Variants in CALML4 observed in about 807,000 individuals in gnomAD.
CALML4 encodes calmodulin like 4.
CALML4 carries 16 observed loss-of-function variants against 17.9 expected under a neutral mutation model. The ratio of observed to expected loss-of-function variants is 0.89; its 90% CI spans 0.61 to 1.36. CALML4 has a LOEUF of 1.36. Ranked by LOEUF, CALML4 falls within the 40% of genes most tolerant of loss-of-function variation. CALML4 has a pLI of 0.00. For missense variants in CALML4, 203 were observed against 194.8 expected (o/e 1.04, Z -0.25); for synonymous variants, 86 against 71.5 (o/e 1.20, Z -1.02).
In CALML4 at chr15:68,191,615, G is replaced by A. The variant is rs1465943863; in HGVS notation, c.*2400C>T. 1 of 152,648 alleles carries A rather than the reference G, an allele frequency of 6.6e-6. No individual in the cohort carries two copies. Among genetic ancestry groups the A allele is most frequent in the Non-Finnish European group, 1.5e-5 (1 of 68,040 alleles). The allele number at this position is 152,648 out of a possible 1,614,324, so 9.5% of individuals were successfully genotyped here. ...TAATTTTCTTGCAGCATGCTTTGAGGTAAGTAATGAATATAGCCATCATTT... is the reference window on the plus strand; with the variant it reads ...TAATTTTCTTGCAGCATGCTTTGAGATAAGTAATGAATATAGCCATCATTT... On this transcript the variant is annotated 3_prime_UTR_variant, in exon 5 of 5. Coordinates refer to ENST00000467889, the MANE Select transcript of CALML4 (RefSeq NM_033429.3).
At chr15:68,195,675 T>G (rs2093141241) in intron 4 of CALML4, among the ~76,000 whole-genome samples, 1 of 152,204 alleles carries the variant, frequency 6.6e-6, no homozygotes, top group Non-Finnish European at 1.5e-5. Flanking sequence ...CTTTTTAAAC[T>G]GAAAATTGTC....
chr15:68,199,713 G>C (rs200059093), intron 2 of CALML4, 32 bp from the exon 3 acceptor site: 1 of 1,602,742 alleles, frequency 6.2e-7, no homozygotes, highest in Admixed American at 1.7e-5. Flanking sequence ...GGTCAGCAGC[G>C]TCTGGTCACT....
At chr15:68,194,500 C>T (rs1172561238) in intron 4 of CALML4, among the ~76,000 whole-genome samples, 7 of 151,900 alleles carry the variant, frequency 4.6e-5, no homozygotes, top group Non-Finnish European at 8.8e-5. Context: ...TCTCCTGCCT[C>T]AGGCTCCTGA....
Position 68,205,299 on chromosome 15 carries a change from A to G in CALML4, c.-52T>C, listed in dbSNP as rs2093179220. 6.2e-7 allele frequency: 1 copy of G among 1,614,028 alleles called. No individual in the cohort carries two copies. Among genetic ancestry groups the G allele is most frequent in the Non-Finnish European group, 8.5e-7 (1 of 1,180,040 alleles). On this transcript the variant is annotated 5_prime_UTR_variant, in exon 1 of 5. Transcript: ENST00000467889. The surrounding 1 kb of genome is among the most constrained non-coding windows in gnomAD (Gnocchi z 4.8). ...GCTTGCTGCTCCCAGAACCGCGTTC[A>G]GTTCCCTTTCCTCCAGCCTCAAGTC... is the stretch of plus-strand genomic sequence containing the variant.
Position 68,193,829 on chromosome 15 carries a change from T to TAAA in CALML4, c.*183_*185dup. 5.4e-6 allele frequency: 3 copies of TAAA among 559,464 alleles called. No homozygotes were observed. Among genetic ancestry groups the TAAA allele is most frequent in the Non-Finnish European group, 9.6e-6 (3 of 313,664 alleles). 34.7% of individuals were successfully genotyped at this position (559,464 alleles called of 1,614,324 possible). ...AATAAAATCAATACAAATCTTTTAT[T>TAAA]AAAGATCTACTCATACCATGGCTGA... is the stretch of plus-strand genomic sequence containing the variant. On this transcript the variant is annotated 3_prime_UTR_variant, in exon 5 of 5. Transcript: ENST00000467889.
chr15:68,193,235 T>C lies in CALML4; in HGVS notation c.*780A>G, dbSNP rs547702273. 6.6e-6 allele frequency: 1 copy of C among 152,374 alleles called. No homozygotes were observed. Among genetic ancestry groups the C allele is most frequent in the South Asian group, 2.1e-4 (1 of 4,826 alleles). The allele number at this position is 152,374 out of a possible 1,614,324, so 9.4% of individuals were successfully genotyped here. ...TCTCACAGCATTGGAAGCCCCCTTC[T>C]TGAGCTCTGCAAGGCCAGTCAATTT... On this transcript the variant is annotated 3_prime_UTR_variant, in exon 5 of 5. Coordinates refer to ENST00000467889, the MANE Select transcript of CALML4 (RefSeq NM_033429.3).
Position 68,193,782 on chromosome 15 carries a change from A to C in CALML4, c.*233T>G. 2.4e-6 allele frequency: 1 copy of C among 421,470 alleles called. No homozygotes were observed. 26.1% of individuals were successfully genotyped at this position (421,470 alleles called of 1,614,324 possible). The stretch of plus-strand genomic sequence containing the variant: ...AACCGCAGGCTCCTTCCATGCTTGA[A>C]AGGGCCGGACTCACGGTAGTTAATA... On this transcript the variant is annotated 3_prime_UTR_variant, in exon 5 of 5. Transcript: ENST00000467889.
In CALML4 at chr15:68,193,669, T is replaced by TCC. The variant is rs1298778696; in HGVS notation, c.*345_*346insGG. ...AGGTAAGAAGTGGGAATCCAGCTTG[T>TCC]GTGGGGGGGCTTTGAGGAGTGAAAT... On this transcript the variant is annotated 3_prime_UTR_variant, in exon 5 of 5. Coordinates refer to ENST00000467889, the MANE Select transcript of CALML4 (RefSeq NM_033429.3). 4.5e-6 allele frequency: 1 copy of TCC among 223,352 alleles called. No homozygotes were observed. The highest frequency in any genetic ancestry group is 2.3e-5 in the African/African-American group (1 of 43,948). The allele number at this position is 223,352 out of a possible 1,614,324, so 13.8% of individuals were successfully genotyped here.
chr15:68,199,029 G>T (rs537215067), intron 3 of CALML4, among the ~76,000 whole-genome samples: 61 of 152,108 alleles, frequency 4.0e-4, no homozygotes, highest in African/African-American at 1.4e-3. Flanking sequence ...AGGCGTGGTG[G>T]CAGGCACCTG....
At position 68,205,185 on chromosome 15, in the gene CALML4, G is replaced by A; in HGVS notation, c.4-34C>T. 6.2e-7 allele frequency: 1 copy of A among 1,614,060 alleles called. No individual in the cohort carries two copies. Among genetic ancestry groups the A allele is most frequent in the Non-Finnish European group, 8.5e-7 (1 of 1,179,954 alleles). ...GAGAAAGGAAAACAGTCAGGGGAGG[G>A]CTCCACCTGAGGTTCACGCCCCCAG... On this transcript the variant is annotated intron_variant, in intron 1 of 4. Coordinates refer to ENST00000467889, the MANE Select transcript of CALML4 (RefSeq NM_033429.3). This position sits in a 1 kb window ranked among gnomAD's most constrained non-coding sequence, Gnocchi z 4.8.
In CALML4 at chr15:68,192,331, C is replaced by T. The variant is rs1243747292; in HGVS notation, c.*1684G>A. The T allele has an allele frequency of 6.6e-6, 1 of 152,168 alleles. No individual in the cohort carries two copies. Among genetic ancestry groups the T allele is most frequent in the African/African-American group, 2.4e-5 (1 of 41,450 alleles). The allele number at this position is 152,168 out of a possible 1,614,324, so 9.4% of individuals were successfully genotyped here. ...ATGAAGTTTAAGCACCAGGACCCTT[C>T]ACTTGTTCTGGTCCTAGGAGCAGCC... On this transcript the variant is annotated 3_prime_UTR_variant, in exon 5 of 5. Coordinates refer to ENST00000467889, the MANE Select transcript of CALML4 (RefSeq NM_033429.3).
rs1338541405 is a variant in CALML4 at position 68,194,099 on chromosome 15, G to A, written c.378C>T (p.Phe126=). Residue 126 remains phenylalanine, a synonymous_variant, in exon 5 of 5, where the codon TTC becomes TTT. Coordinates refer to ENST00000467889, the MANE Select transcript of CALML4 (RefSeq NM_033429.3). ...CATTGGGTTCGATATCTGCTTCCCT[G>A]AAGAGATCATCCACTGCAATAAATC... ...KLTHKEVDDL[F]READIEPNGK... is the part of the protein sequence containing the mutation. 3 of 1,612,344 alleles carry A rather than the reference G, an allele frequency of 1.9e-6. No individual in the cohort carries two copies. The highest frequency in any genetic ancestry group is 2.5e-6 in the Non-Finnish European group (3 of 1,178,444).
chr15:68,197,744 A>C lies in CALML4; in HGVS notation c.176-116T>G, dbSNP rs546782516. On this transcript the variant is annotated intron_variant, in intron 3 of 4. Transcript: ENST00000467889. The surrounding 1 kb of genome is among the most constrained non-coding windows in gnomAD (Gnocchi z 4.1). ...CAAGGTCAACTGACCAGGGAATGCC[A>C]GGATGTGGCAGTGGTCACAGTGAAG... 1.1e-6 allele frequency: 1 copy of C among 875,520 alleles called. No individual in the cohort carries two copies. Among genetic ancestry groups the C allele is most frequent in the African/African-American group, 1.7e-5 (1 of 59,180 alleles). The allele number at this position is 875,520 out of a possible 1,614,324, so 54.2% of individuals were successfully genotyped here. A position where few individuals can be genotyped will look rare whatever the true frequency, so the allele number is the denominator to read the frequency against.
intron 2 of CALML4, chr15:68,199,932 T>C (rs1288736253): frequency 3.1e-6 from 1 of 320,262 alleles, no homozygotes; most frequent in East Asian, 5.3e-5. Context: ...ATACTTCTAT[T>C]GGAAAAGTAT....
At chr15:68,205,755 G>A (rs187969629), upstream of CALML4, 3 of 237,568 alleles carry the variant, frequency 1.3e-5, no homozygotes, top group Non-Finnish European at 1.7e-5. The surrounding 1 kb of genome is among the most constrained non-coding windows in gnomAD (Gnocchi z 4.8). Context: ...CTTGGGGCTC[G>A]GTATTGCAGG....
At chr15:68,198,802 A>G (rs2093155059) in intron 3 of CALML4, among the ~76,000 whole-genome samples, 1 of 152,164 alleles carries the variant, frequency 6.6e-6, no homozygotes, top group Admixed American at 6.5e-5. Context: ...ATTGGGTACT[A>G]ATCCTGATGC....
Position 68,200,643 on chromosome 15 carries a change from C to T in CALML4, c.35-962G>A, listed in dbSNP as rs928559675. Among the ~76,000 whole-genome samples the T allele has an allele frequency of 3.3e-5, 5 of 151,980 alleles. No homozygotes were observed. Among genetic ancestry groups the T allele is most frequent in the African/African-American group, 1.2e-4 (5 of 41,378 alleles). Reference sequence around the variant, plus strand: ...ATTCTCGTCCAGCCCAGACGAGGCACCCGGGCCTGTGGGTGGAGCCGTGGA... The same window carrying T: ...ATTCTCGTCCAGCCCAGACGAGGCATCCGGGCCTGTGGGTGGAGCCGTGGA... On this transcript the variant is annotated intron_variant, in intron 2 of 4. Transcript: ENST00000467889. This position sits in a 1 kb window ranked among gnomAD's most constrained non-coding sequence, Gnocchi z 4.3.
chr15:68,194,317 G>A (rs1182301115), intron 4 of CALML4, among the ~76,000 whole-genome samples: 9 of 151,736 alleles, frequency 5.9e-5, no homozygotes, highest in Non-Finnish European at 1.3e-4. Context: ...AGCTAATCGG[G>A]CTTTCTGCAG....
Position 68,200,120 on chromosome 15 carries a change from A to G in CALML4, c.35-439T>C, listed in dbSNP as rs2141127963. 6.6e-6 allele frequency among the ~76,000 whole-genome samples: 1 copy of G among 152,148 alleles called. No individual in the cohort carries two copies. The highest frequency in any genetic ancestry group is 2.1e-4 in the South Asian group (1 of 4,826). On this transcript the variant is annotated intron_variant, in intron 2 of 4. Transcript: ENST00000467889. The surrounding 1 kb of genome is among the most constrained non-coding windows in gnomAD (Gnocchi z 4.3). ...ACAGGGGAGAGCAGGAACCCACAGC[A>G]AGGCGTCCAGACCCCCAGGGGACCT... is the stretch of plus-strand genomic sequence containing the variant.
Sources: gnomAD v4.1 joint callset for allele counts (sites outside exome capture counted in the v4.1 genomes callset) on GRCh38, gnomAD v4.1.1 for gene constraint, Gnocchi (gnomAD v3.1) non-coding constraint, MANE v1.5 for transcripts, NCBI Gene and HGNC (gene_info 2026-07-23, HGNC 2026-07-21) for gene names.